Variants in CACNA2D2 observed in about 807,000 individuals in gnomAD.
The protein encoded by CACNA2D2 is voltage-dependent calcium channel subunit alpha-2/delta-2.
A neutral mutation model predicts 166.4 loss-of-function variants in CACNA2D2; 48 were observed. That is an observed-to-expected ratio of 0.29 (90% CI 0.23 to 0.37). The LOEUF (loss-of-function observed/expected upper bound fraction) is 0.37, where lower values mean the gene tolerates loss of function less well. Among genes scored for constraint, CACNA2D2 ranks in the 10% least tolerant of loss-of-function variants. The pLI is 1.00. For missense variants in CACNA2D2, 1,122 were observed against 1,433.0 expected, an observed-to-expected ratio of 0.78 and a Z score of 3.50; for synonymous variants, 561 against 573.7, an observed-to-expected ratio of 0.98 and a Z score of 0.32.
chr3:50,493,304 G>C (rs1296469645), intron 1 of CACNA2D2, among the ~76,000 whole-genome samples: 2 of 152,242 alleles, frequency 1.3e-5, no homozygotes, highest in African/African-American at 2.4e-5. Flanking sequence ...TAGATTGCCA[G>C]TGATTGGTTC....
chr3:50,372,009 C>A (rs1704679156), intron 22 of CACNA2D2, among the ~76,000 whole-genome samples: 1 of 151,370 alleles, frequency 6.6e-6, no homozygotes, highest in Admixed American at 6.6e-5. Flanking sequence ...GCCCCTAGGG[C>A]TTCTTGGGTG....
In CACNA2D2 at chr3:50,380,401, G is replaced by T. The variant is rs965855162; in HGVS notation, c.842+347C>A. 2.0e-5 allele frequency among the ~76,000 whole-genome samples: 3 copies of T among 152,182 alleles called. No homozygotes were observed. The highest frequency in any genetic ancestry group is 7.2e-5 in the African/African-American group (3 of 41,446). On this transcript the variant is annotated intron_variant, in intron 8 of 37. Coordinates refer to ENST00000424201, the MANE Select transcript of CACNA2D2 (RefSeq NM_006030.4). This position sits in a 1 kb window ranked among gnomAD's most constrained non-coding sequence, Gnocchi z 4.9. ...AGAGTCACAGGGAGCTGCCGGAGGG[G>T]CAGAACAGAGGGGAGGGATATCTGG... is the stretch of plus-strand genomic sequence containing the variant.
At position 50,502,812 on chromosome 3, in the gene CACNA2D2, G is replaced by A. The variant is rs951064386; in HGVS notation, c.206+406C>T. Among the ~76,000 whole-genome samples, 4 of 152,232 alleles carry A rather than the reference G, an allele frequency of 2.6e-5. No homozygotes were observed. The South Asian group carries it at 8.3e-4, about 32-fold the overall frequency. ...AAGCGCCGGATTCCCACCAGGGAGG[G>A]AACGTGGGGCAGATGCGCGGCTCCA... On this transcript the variant is annotated intron_variant, in intron 1 of 37. Coordinates refer to ENST00000424201, the MANE Select transcript of CACNA2D2 (RefSeq NM_006030.4).
intron 2 of CACNA2D2, among the ~76,000 whole-genome samples, chr3:50,455,112 C>T (rs1279301534): frequency 6.6e-6 from 1 of 152,216 alleles, no homozygotes; most frequent in Non-Finnish European, 1.5e-5. Flanking sequence ...GTTTCCCCAT[C>T]ACACCAAAGG....
At chr3:50,495,287 A>C (rs963187990) in intron 1 of CACNA2D2, among the ~76,000 whole-genome samples, 1 of 151,986 alleles carries the variant, frequency 6.6e-6, no homozygotes, top group Non-Finnish European at 1.5e-5. Context: ...CCCTGCCCCC[A>C]CAGGAACCCC....
At chr3:50,493,868 C>G (rs1228684631) in intron 1 of CACNA2D2, among the ~76,000 whole-genome samples, 2 of 152,162 alleles carry the variant, frequency 1.3e-5, no homozygotes, top group Non-Finnish European at 2.9e-5. Flanking sequence ...GCGAAGCCAG[C>G]AGCCTGGAGA....
At chr3:50,463,305 CTTTTTT>C (rs1385188648) in intron 2 of CACNA2D2, among the ~76,000 whole-genome samples, 1 of 145,828 alleles carries the variant, frequency 6.9e-6, no homozygotes, top group Non-Finnish European at 1.5e-5. Flanking sequence ...CCAAATTTCT[CTTTTTT>C]TTTTTTTTGA....
At position 50,365,396 on chromosome 3, in the gene CACNA2D2, C is replaced by G; in HGVS notation, c.3058G>C (p.Ala1020Pro). The stretch of plus-strand genomic sequence containing the variant: ...CAGTCGATGATGGCGTTGTAGGAGG[C>G]GTTTACCGAGCCGAAGTAGTACTGG... ...QTQYYFGSVN[A>P]SYNAIIDCGN... Residue 1020 changes from alanine (A) to proline (P), a missense_variant, in exon 35 of 38, where the codon GCC becomes CCC. Physicochemically the swap from Ala to Pro is conservative, Grantham distance 27. Transcript: ENST00000424201. This position sits in a 1 kb window ranked among gnomAD's most constrained non-coding sequence, Gnocchi z 4.5. 1 of 1,613,596 alleles carries G rather than the reference C, an allele frequency of 6.2e-7. No homozygotes were observed. The highest frequency in any genetic ancestry group is 8.5e-7 in the Non-Finnish European group (1 of 1,179,846).
intron 2 of CACNA2D2, among the ~76,000 whole-genome samples, chr3:50,450,822 ACC>A (rs1243879509): frequency 6.6e-6 from 1 of 151,482 alleles, no homozygotes; most frequent in Non-Finnish European, 1.5e-5. Context: ...CCGACGTCAC[ACC>A]CCACCGCACC....
chr3:50,423,902 C>T (rs1433477879), intron 3 of CACNA2D2, among the ~76,000 whole-genome samples: 3 of 152,232 alleles, frequency 2.0e-5, no homozygotes, highest in Non-Finnish European at 4.4e-5. Flanking sequence ...GGAGGCCCTG[C>T]AGCCCAGGAT....
chr3:50,377,388 T>C, intron 17 of CACNA2D2, 79 bp downstream of exon 17: 2 of 1,182,248 alleles, frequency 1.7e-6, no homozygotes, highest in African/African-American at 1.5e-5. Context: ...GGCGCTGTAA[T>C]ACCCATCAGT....
intron 2 of CACNA2D2, among the ~76,000 whole-genome samples, chr3:50,463,076 A>C (rs1709664079): frequency 6.6e-6 from 1 of 152,100 alleles, no homozygotes; most frequent in African/African-American, 2.4e-5. Context: ...CAATGAAGAC[A>C]GTTTGAGATT....
rs1244916521 is a variant in CACNA2D2, at chr3:50,379,749, A to T, written c.969T>A (p.Asp323Glu). 1.2e-6 allele frequency: 2 copies of T among 1,613,776 alleles called. No homozygotes were observed. The highest frequency in any genetic ancestry group is 1.7e-6 in the Non-Finnish European group (2 of 1,180,032). Residue 323 changes from aspartate (D) to glutamate (E), a missense_variant, in exon 10 of 38, where the codon GAT becomes GAA. Asp to Glu is a conservative substitution (Grantham distance 45, BLOSUM62 2). Transcript: ENST00000424201. This position sits in a 1 kb window ranked among gnomAD's most constrained non-coding sequence, Gnocchi z 6.5. ...SVCEMLDTLS[D>E]DDYVNVASFN... is the part of the protein sequence containing the mutation. ...CCGAGGCCACATTCACATAGTCATCATCAGACAGCGTGTCCAGCATCTCGC... is the reference window on the plus strand; with the variant it reads ...CCGAGGCCACATTCACATAGTCATCTTCAGACAGCGTGTCCAGCATCTCGC...
At chr3:50,463,143 T>C (rs1403405201) in intron 2 of CACNA2D2, among the ~76,000 whole-genome samples, 1 of 152,140 alleles carries the variant, frequency 6.6e-6, no homozygotes, top group Non-Finnish European at 1.5e-5. Flanking sequence ...AAACACTGAA[T>C]TGGTATTGGT....
At chr3:50,392,975 G>A (rs1323364928) in intron 4 of CACNA2D2, among the ~76,000 whole-genome samples, 2 of 152,194 alleles carry the variant, frequency 1.3e-5, no homozygotes, top group African/African-American at 4.8e-5. Context: ...CCTGCCAGGG[G>A]TAAAGGAAGA....
At chr3:50,475,933 A>G (rs1710289702) in intron 2 of CACNA2D2, among the ~76,000 whole-genome samples, 185 bp downstream of exon 2, 1 of 152,180 alleles carries the variant, frequency 6.6e-6, no homozygotes, top group Admixed American at 6.5e-5. Context: ...CCTCAGGAAG[A>G]GCAGGCCAGG....
At chr3:50,406,795 G>A (rs1295372181) in intron 3 of CACNA2D2, among the ~76,000 whole-genome samples, 2 of 151,660 alleles carry the variant, frequency 1.3e-5, no homozygotes, top group African/African-American at 4.8e-5. Flanking sequence ...CCCCACTGTG[G>A]TCACCTCTGC....
At chr3:50,484,275 G>A (rs1171462445) in intron 1 of CACNA2D2, among the ~76,000 whole-genome samples, 3 of 152,070 alleles carry the variant, frequency 2.0e-5, no homozygotes, top group Admixed American at 6.5e-5. Flanking sequence ...CTCCTTGGCC[G>A]GGCACCCATC....
At chr3:50,389,679 T>G (rs2106711513) in intron 4 of CACNA2D2, among the ~76,000 whole-genome samples, 1 of 152,354 alleles carries the variant, frequency 6.6e-6, no homozygotes, top group South Asian at 2.1e-4. Flanking sequence ...TTTGTTCTGC[T>G]GTTTCACAGT....
Sources: gnomAD v4.1 joint callset for allele counts (sites outside exome capture counted in the v4.1 genomes callset) on GRCh38, gnomAD v4.1.1 for gene constraint, Gnocchi (gnomAD v3.1) non-coding constraint, MANE v1.5 for transcripts, NCBI Gene and HGNC (gene_info 2026-07-23, HGNC 2026-07-21) for gene names.